MCM6: variants seen among roughly 807,000 people sequenced by gnomAD.
The protein encoded by MCM6 is minichromosome maintenance complex component 6.
Under a neutral mutation model 94.3 loss-of-function variants are expected in MCM6, and 46 were observed. The ratio of observed to expected loss-of-function variants is 0.49; its 90% CI spans 0.39 to 0.62. The LOEUF is 0.62. Ranked by LOEUF, MCM6 falls within the 20% of genes least tolerant of loss-of-function variation. The pLI is 0.00. For synonymous variants in MCM6, 335 were observed against 351.9 expected, an observed-to-expected ratio of 0.95 and a Z score of 0.54; for missense variants, 865 against 1,017.9, an observed-to-expected ratio of 0.85 and a Z score of 2.04.
intron 12 of MCM6, 142 bp downstream of exon 12, chr2:135,852,645 T>C: frequency 2.0e-6 from 1 of 491,932 alleles, no homozygotes; most frequent in Non-Finnish European, 3.3e-6. Flanking sequence ...AACAAATTGC[T>C]GTTCCAGAAA....
chr2:135,844,608 A>G lies in MCM6; in HGVS notation c.2286T>C (p.Ser762=), dbSNP rs1377679449. Residue 762 remains serine (S), a synonymous_variant, in exon 16 of 17, where the codon TCT becomes TCC. Transcript: ENST00000264156. Reference sequence around the variant, plus strand: ...TTTTTTTATTTATAAGTTCTTCTTCAGAGTCTATCTCTGATTCGATTTCCT... The same window carrying G: ...TTTTTTTATTTATAAGTTCTTCTTCGGAGTCTATCTCTGATTCGATTTCCT... ...YLKEIESEID[S]EEELINKKRI... The G allele has an allele frequency of 6.3e-7, 1 of 1,587,392 alleles. No individual in the cohort carries two copies.
At chr2:135,862,855 G>T in intron 7 of MCM6, 107 bp from the exon 8 acceptor site, 2 of 1,203,532 alleles carry the variant, frequency 1.7e-6, no homozygotes, top group Non-Finnish European at 1.2e-6. Context: ...GGCAGAGTCA[G>T]CTAAAGCAAA....
chr2:135,850,126 A>G (rs774037134), intron 13 of MCM6, among the ~76,000 whole-genome samples: 2 of 152,160 alleles, frequency 1.3e-5, no homozygotes, highest in African/African-American at 4.8e-5. Flanking sequence ...AAATGTTAGC[A>G]TGGTTTTAGA....
intron 1 of MCM6, 95 bp from the exon 2 acceptor site, chr2:135,872,938 G>T: frequency 1.4e-6 from 2 of 1,423,300 alleles, no homozygotes; most frequent in South Asian, 1.3e-5. Flanking sequence ...CAACAACTAG[G>T]CTCAGACAGG....
intron 16 of MCM6, among the ~76,000 whole-genome samples, chr2:135,843,816 T>G (rs1248062360): frequency 6.6e-6 from 1 of 150,882 alleles, no homozygotes; most frequent in African/African-American, 2.4e-5. Context: ...GAGGATACAG[T>G]GACTCAGAAC....
At chr2:135,862,282 GTATAAAATTTTA>G (rs1680009578) in intron 8 of MCM6, among the ~76,000 whole-genome samples, 1 of 13,950 alleles carries the variant, frequency 7.2e-5, no homozygotes, top group African/African-American at 3.0e-4. Context: ...AATAAAATTT[GTATAAAATTTTA>G]TACAAATAAT....
At chr2:135,862,880 T>C in intron 7 of MCM6, 132 bp from the exon 8 acceptor site, 2 of 826,432 alleles carry the variant, frequency 2.4e-6, no homozygotes, top group Admixed American at 5.3e-5. Context: ...AAAACTGGAG[T>C]AATAACACCT....
chr2:135,876,419 T>C lies in MCM6; in HGVS notation c.-54A>G, dbSNP rs1680300414. The C allele has an allele frequency of 6.8e-7, 1 of 1,468,566 alleles. No homozygotes were observed. Among genetic ancestry groups the C allele is most frequent in the Non-Finnish European group, 9.2e-7 (1 of 1,089,614 alleles). The allele number at this position is 1,468,566 out of a possible 1,614,324, so 91.0% of individuals were successfully genotyped here. ...GCCACGCTCGACCGCCACAAGTCGC[T>C]TTTTTCCAGACGCTGCAGCTTTGCG... On this transcript the variant is annotated 5_prime_UTR_variant, in exon 1 of 17. Transcript: ENST00000264156.
chr2:135,868,977 A>C, intron 3 of MCM6, 117 bp from the exon 4 acceptor site: 1 of 1,008,868 alleles, frequency 9.9e-7, no homozygotes, highest in Non-Finnish European at 1.4e-6. Context: ...TCAAGAGACA[A>C]GGTATTCTTT....
At chr2:135,862,321 TTTATACAAATAATAAA>T (rs1309700258) in intron 8 of MCM6, among the ~76,000 whole-genome samples, 5 of 138,320 alleles carry the variant, frequency 3.6e-5, no homozygotes, top group African/African-American at 1.4e-4. Flanking sequence ...TGTATAAAAT[TTTATACAAATAATAAA>T]ATTTGTATAA....
At chr2:135,863,735 A>G (rs1196161230) in intron 7 of MCM6, among the ~76,000 whole-genome samples, 1 of 148,290 alleles carries the variant, frequency 6.7e-6, no homozygotes, top group Non-Finnish European at 1.5e-5. Flanking sequence ...ACAAAACAAA[A>G]CAAAACAAAA....
chr2:135,866,221 C>T lies in MCM6; in HGVS notation c.838G>A (p.Gly280Ser), dbSNP rs751931611. The change falls in exon 6 of 17, where the codon GGC becomes AGC. Residue 280 changes from glycine (G) to serine (S), a missense_variant. Transcript: ENST00000264156. ...CCAAGGGCCCGGAGTCCTCGAATGCCTTCTGTCTCATATCCATCAACACCA... is the reference window on the plus strand; with the variant it reads ...CCAAGGGCCCGGAGTCCTCGAATGCTTTCTGTCTCATATCCATCAACACCA... ...VSGVDGYETE[G>S]IRGLRALGVR... 1 of 1,614,172 alleles carries T rather than the reference C, an allele frequency of 6.2e-7. No homozygotes were observed. The highest frequency in any genetic ancestry group is 1.1e-5 in the South Asian group (1 of 91,086).
At position 135,857,831 on chromosome 2, in the gene MCM6, C is replaced by T; in HGVS notation, c.1470+66G>A. 2.2e-6 allele frequency: 3 copies of T among 1,338,480 alleles called. No homozygotes were observed. The East Asian group carries it at 6.9e-5, about 31-fold the overall frequency. The allele number at this position is 1,338,480 out of a possible 1,614,324, so 82.9% of individuals were successfully genotyped here. The stretch of plus-strand genomic sequence containing the variant: ...TAATGAATTTTATCCAGGTGAACTT[C>T]TCTAGTACTACATTAATCAACAAGG... On this transcript the variant is annotated intron_variant, in intron 10 of 16. Transcript: ENST00000264156.
intron 16 of MCM6, among the ~76,000 whole-genome samples, chr2:135,843,456 G>C (rs952845890): frequency 6.6e-6 from 1 of 152,150 alleles, no homozygotes; most frequent in Admixed American, 6.6e-5. Flanking sequence ...ATTCAGGCCA[G>C]GCACGGTGGC....
At chr2:135,862,521 C>A in intron 8 of MCM6, 86 bp downstream of exon 8, 1 of 1,392,674 alleles carries the variant, frequency 7.2e-7, no homozygotes, top group Non-Finnish European at 1.0e-6. Flanking sequence ...CCTAGTAAGG[C>A]CATACTGACT....
At chr2:135,855,905 ATAAT>A (rs1182537686) in intron 11 of MCM6, among the ~76,000 whole-genome samples, 1 of 152,202 alleles carries the variant, frequency 6.6e-6, no homozygotes, top group Non-Finnish European at 1.5e-5. Context: ...CATAACTCTA[ATAAT>A]TAAACTAACA....
At chr2:135,844,956 G>A (rs1679643044) in intron 15 of MCM6, among the ~76,000 whole-genome samples, 1 of 152,142 alleles carries the variant, frequency 6.6e-6, no homozygotes, top group Non-Finnish European at 1.5e-5. Flanking sequence ...AAGCTATTAA[G>A]ATTTCAAAGT....
Position 135,859,344 on chromosome 2 carries a change from T to C in MCM6, c.1319A>G (p.His440Arg). Residue 440 changes from histidine (H) to arginine (R), a missense_variant, in exon 9 of 17, where the codon CAT becomes CGT. By Grantham distance (29) the His-to-Arg change is conservative. Transcript: ENST00000264156. ...AGCTCCAGCCTCAATGACAAACTCA[T>C]GAGATTCTTCATCTCTCACAACAGC... ...TAAVVRDEES[H>R]EFVIEAGALM... The C allele has an allele frequency of 6.2e-7, 1 of 1,613,106 alleles. No homozygotes were observed. The highest frequency in any genetic ancestry group is 1.3e-5 in the African/African-American group (1 of 75,022).
Position 135,846,186 on chromosome 2 carries a change from CAG to C in MCM6, c.2209+49_2209+50del, listed in dbSNP as rs4988264. ...GGCAATCACAAGTGGCCTATGTGAA[CAG>C]AGCTTACAGAAGTGACCGAGCATGT... is the stretch of plus-strand genomic sequence containing the variant. On this transcript the variant is annotated intron_variant, in intron 15 of 16. Transcript: ENST00000264156. 26,572 of 1,591,628 alleles carry C rather than the reference CAG, an allele frequency of 0.017. 2,118 individuals carry two copies. In the African/African-American group the frequency reaches 0.2, roughly 12 times the overall value.
Sources: allele counts gnomAD v4.1 joint callset (sites outside exome capture counted in the v4.1 genomes callset), GRCh38; gene constraint gnomAD v4.1.1; transcripts MANE v1.5; gene names NCBI Gene and HGNC (gene_info 2026-07-23, HGNC 2026-07-21).